BBS9: variants seen among roughly 807,000 people sequenced by gnomAD.
BBS9 encodes Bardet-Biedl syndrome 9, also known as protein PTHB1.
In BBS9, 89 loss-of-function variants were observed where a neutral mutation model predicts 117.7. The ratio of observed to expected loss-of-function variants is 0.76; its 90% CI spans 0.64 to 0.90. The LOEUF (loss-of-function observed/expected upper bound fraction) is 0.90, where lower values mean the gene tolerates loss of function less well. Ranked by LOEUF, BBS9 falls within the 40% of genes least tolerant of loss-of-function variation. BBS9 has a pLI of 0.00. For missense variants in BBS9, 982 were observed against 1,042.2 expected, an observed-to-expected ratio of 0.94 and a Z score of 0.80; for synonymous variants, 379 against 370.9, an observed-to-expected ratio of 1.02 and a Z score of -0.25.
At chr7:33,146,054 G>A (rs1229856740) in intron 1 of BBS9, among the ~76,000 whole-genome samples, 188 bp from the exon 2 acceptor site, 1 of 152,150 alleles carries the variant, frequency 6.6e-6, no homozygotes, top group Non-Finnish European at 1.5e-5. Flanking sequence ...TTTACTAACG[G>A]TGTTGCAAAA....
At chr7:33,611,873 AATCCTTTAATATTAAAGGATAAAATAT>A (rs1181198305) in intron 21 of BBS9, among the ~76,000 whole-genome samples, 2 of 144,496 alleles carry the variant, frequency 1.4e-5, no homozygotes, top group African/African-American at 2.5e-5. Context: ...GAATAAATAT[AATCCTTTAATATTAAAGGATAAAATAT>A]ATCCTTTAAT....
intron 21 of BBS9, among the ~76,000 whole-genome samples, chr7:33,573,592 A>T (rs1402056721): frequency 1.3e-5 from 2 of 152,172 alleles, no homozygotes; most frequent in Non-Finnish European, 2.9e-5. Flanking sequence ...TACTGCAAAA[A>T]AATGCTGTAA....
chr7:33,387,922 G>A, intron 18 of BBS9, 70 bp from the exon 19 acceptor site: 3 of 1,487,198 alleles, frequency 2.0e-6, no homozygotes, highest in Admixed American at 1.7e-5. Flanking sequence ...TATTATCATT[G>A]TGTGTATTTT....
chr7:33,569,814 G>A (rs1212809734), intron 21 of BBS9, among the ~76,000 whole-genome samples: 1 of 152,126 alleles, frequency 6.6e-6, no homozygotes, highest in Non-Finnish European at 1.5e-5. Flanking sequence ...ACGAATGTGT[G>A]CATGCACATG....
At chr7:33,177,040 TGA>T (rs1797422323) in intron 4 of BBS9, among the ~76,000 whole-genome samples, 1 of 152,166 alleles carries the variant, frequency 6.6e-6, no homozygotes, top group Non-Finnish European at 1.5e-5. Context: ...TTGAATATTT[TGA>T]GAGTTGGGGT....
intron 1 of BBS9, among the ~76,000 whole-genome samples, chr7:33,137,275 A>G (rs923688255): frequency 6.6e-6 from 1 of 152,218 alleles, no homozygotes; most frequent in Non-Finnish European, 1.5e-5. Context: ...GGGAGAGGCC[A>G]GGGAGCGGGA....
intron 19 of BBS9, among the ~76,000 whole-genome samples, chr7:33,426,923 T>C (rs1198457036): frequency 3.9e-5 from 6 of 152,178 alleles, no homozygotes; most frequent in Non-Finnish European, 7.3e-5. Flanking sequence ...AGAATACCCT[T>C]AGACAACAGA....
At chr7:33,507,716 C>A (rs1327416017) in intron 20 of BBS9, among the ~76,000 whole-genome samples, 1 of 152,154 alleles carries the variant, frequency 6.6e-6, no homozygotes, top group Non-Finnish European at 1.5e-5. Context: ...CAAATGGTGA[C>A]CTCAAAGAAT....
intron 20 of BBS9, among the ~76,000 whole-genome samples, chr7:33,510,837 A>G (rs763592215): frequency 2.0e-5 from 3 of 152,208 alleles, no homozygotes; most frequent in Non-Finnish European, 4.4e-5. Context: ...GAGAAAAAAC[A>G]TCTTATCAGT....
chr7:33,473,741 A>G (rs77260218), intron 19 of BBS9, among the ~76,000 whole-genome samples: 1 of 152,326 alleles, frequency 6.6e-6, no homozygotes, highest in East Asian at 1.9e-4. Context: ...TAACTAGATT[A>G]TCTGTCTCTC....
At chr7:33,532,461 C>G (rs551683733) in intron 20 of BBS9, among the ~76,000 whole-genome samples, 8 of 152,252 alleles carry the variant, frequency 5.3e-5, no homozygotes, top group African/African-American at 1.7e-4. Flanking sequence ...GGGGAGATGT[C>G]GGGAAACTTA....
chr7:33,254,393 A>G (rs1203129716), intron 5 of BBS9, among the ~76,000 whole-genome samples: 7 of 152,218 alleles, frequency 4.6e-5, no homozygotes, highest in Non-Finnish European at 1.0e-4. Context: ...TTGATAAATA[A>G]AAATTATATA....
At chr7:33,352,761 T>A in intron 14 of BBS9, 98 bp from the exon 15 acceptor site, 1 of 1,350,452 alleles carries the variant, frequency 7.4e-7, no homozygotes. Context: ...ATTTGTATTT[T>A]AAGCAGATAT....
intron 9 of BBS9, among the ~76,000 whole-genome samples, chr7:33,297,023 T>C (rs1429961421): frequency 6.6e-6 from 1 of 152,182 alleles, no homozygotes; most frequent in Non-Finnish European, 1.5e-5. Flanking sequence ...TATATTTCTT[T>C]CTGATATAGA....
intron 19 of BBS9, 22 bp downstream of exon 19, chr7:33,388,166 G>A (rs1278255061): frequency 6.2e-7 from 1 of 1,612,614 alleles, no homozygotes; most frequent in Non-Finnish European, 8.5e-7. Context: ...ATCAGTAACA[G>A]TTTTCTATTA....
At chr7:33,244,999 T>C (rs1222925104) in intron 5 of BBS9, among the ~76,000 whole-genome samples, 1 of 152,198 alleles carries the variant, frequency 6.6e-6, no homozygotes, top group East Asian at 1.9e-4. Context: ...TAATAATCTC[T>C]TGTTTTGTAT....
intron 19 of BBS9, among the ~76,000 whole-genome samples, chr7:33,449,658 C>T (rs761477239): frequency 1.3e-5 from 2 of 152,102 alleles, no homozygotes; most frequent in Non-Finnish European, 2.9e-5. Context: ...TGTTAGAGTA[C>T]AAAGACATTT....
At chr7:33,573,735 C>T (rs1858229942) in intron 21 of BBS9, among the ~76,000 whole-genome samples, 1 of 152,080 alleles carries the variant, frequency 6.6e-6, no homozygotes, top group Admixed American at 6.6e-5. Flanking sequence ...ATTTGTTCCA[C>T]CTTATTTTTT....
chr7:33,273,878 A>G lies in BBS9; in HGVS notation c.938A>G (p.His313Arg), dbSNP rs533714503. ...TLIGNHNNMLHIYQDVTLKWA... is the reference protein window; with the variant it reads ...TLIGNHNNMLRIYQDVTLKWA... ...ATTGGAAATCATAATAACATGCTGC[A>G]TATTTATCAAGATGTGACACTGAAG... is the stretch of plus-strand genomic sequence containing the variant. The change falls in exon 9 of 23, where the codon CAT (histidine) becomes CGT (arginine). Residue 313 changes from histidine to arginine, a missense_variant. Transcript: ENST00000242067. 1.6e-5 allele frequency: 25 copies of G among 1,610,164 alleles called. No individual in the cohort carries two copies. The East Asian group carries it at 4.7e-4, about 30-fold the overall frequency.
Sources: allele counts gnomAD v4.1 joint callset (sites outside exome capture counted in the v4.1 genomes callset), GRCh38; gene constraint gnomAD v4.1.1; transcripts MANE v1.5; gene names NCBI Gene and HGNC (gene_info 2026-07-23, HGNC 2026-07-21).